The following ZNF124 variants were observed in gnomAD, a reference collection of about 807,000 sequenced individuals.
ZNF124 encodes the protein zinc finger protein HZF-16.
ZNF124 carries 25 observed loss-of-function variants against 26.6 expected under a neutral mutation model. That is an observed-to-expected ratio of 0.94 (90% CI 0.68 to 1.31). ZNF124 has a LOEUF of 1.31. ZNF124 is among the 40% of genes most tolerant of loss of function. The probability of loss-of-function intolerance (pLI) is 0.00; values close to 1 mark genes in which losing one functional copy is unlikely to be tolerated. For missense variants in ZNF124, 444 were observed against 422.2 expected, an observed-to-expected ratio of 1.05 and a Z score of -0.45; for synonymous variants, 129 against 133.3, an observed-to-expected ratio of 0.97 and a Z score of 0.22.
Position 247,156,933 on chromosome 1 carries a change from C to T in ZNF124, c.689G>A (p.Gly230Glu), listed in dbSNP as rs768979801. The stretch of plus-strand genomic sequence containing the variant: ...TTCCATGCACACATAAGGTTTCTCT[C>T]CAGTGTGAGTTCTTTCATGGTAATG... ...CLHYHERTHT[G>E]EKPYVCMECG... Residue 230 changes from glycine to glutamate, a missense_variant, in exon 4 of 4, where the codon GGA (glycine) becomes GAA (glutamate). Coordinates refer to ENST00000543802, the MANE Select transcript of ZNF124 (RefSeq NM_001297568.2). 6.2e-7 allele frequency: 1 copy of T among 1,613,648 alleles called. No individual in the cohort carries two copies. Among genetic ancestry groups the T allele is most frequent in the Admixed American group, 1.7e-5 (1 of 59,962 alleles).
At chr1:247,140,451 C>G (rs920751324) in intron 3 of ZNF124, among the ~76,000 whole-genome samples, 2 of 152,184 alleles carry the variant, frequency 1.3e-5, no homozygotes, top group African/African-American at 4.8e-5. Context: ...TATCCATATT[C>G]TAAATTCCAT....
chr1:247,154,138 A>T (rs1673023856), downstream of ZNF124, among the ~76,000 whole-genome samples: 1 of 152,190 alleles, frequency 6.6e-6, no homozygotes, highest in Non-Finnish European at 1.5e-5. Flanking sequence ...ACACACAGAT[A>T]TAAGTTGGCT....
At chr1:247,160,535 C>T (rs1184790064) in intron 1 of ZNF124, among the ~76,000 whole-genome samples, 1 of 152,210 alleles carries the variant, frequency 6.6e-6, no homozygotes, top group African/African-American at 2.4e-5. Context: ...AGGGAACTTA[C>T]ATTTTAAGAG....
intron 3 of ZNF124, among the ~76,000 whole-genome samples, chr1:247,133,997 T>A (rs1672429198): frequency 6.6e-6 from 1 of 152,184 alleles, no homozygotes; most frequent in Non-Finnish European, 1.5e-5. Flanking sequence ...AATTTCATAT[T>A]CAGCCAAACT....
chr1:247,139,565 G>A (rs1438801720), intron 3 of ZNF124, among the ~76,000 whole-genome samples: 1 of 152,182 alleles, frequency 6.6e-6, no homozygotes, highest in Non-Finnish European at 1.5e-5. Context: ...ATGCTGACTT[G>A]TTTGTGTGGT....
At position 247,155,535 on chromosome 1, in the gene ZNF124, A is replaced by G. The variant is rs1330295378; in HGVS notation, c.*1031T>C. On this transcript the variant is annotated 3_prime_UTR_variant, in exon 4 of 4. Coordinates refer to ENST00000543802, the MANE Select transcript of ZNF124 (RefSeq NM_001297568.2). The stretch of plus-strand genomic sequence containing the variant: ...CTTAAAAAAGAAGAATACATATTTA[A>G]CTCTTGTACTACTGCTTGAAGAATA... Among the ~76,000 whole-genome samples the G allele has an allele frequency of 6.6e-6, 1 of 152,134 alleles. No homozygotes were observed. Among genetic ancestry groups the G allele is most frequent in the Non-Finnish European group, 1.5e-5 (1 of 68,022 alleles).
At position 247,157,069 on chromosome 1, in the gene ZNF124, T is replaced by C. The variant is rs1673185457; in HGVS notation, c.553A>G (p.Lys185Glu). The C allele has an allele frequency of 1.2e-6, 2 of 1,614,220 alleles. No individual in the cohort carries two copies. Among genetic ancestry groups the C allele is most frequent in the African/African-American group, 2.7e-5 (2 of 75,062 alleles). Residue 185 changes from lysine to glutamate, a missense_variant, in exon 4 of 4, where the codon AAA becomes GAA. Physicochemically the swap from Lys to Glu is moderately conservative, Grantham distance 56 (BLOSUM62 1). Transcript: ENST00000543802. ...EKRYECKQCG[K>E]AFSRSSHLRD... Reference sequence around the variant, plus strand: ...AGGTGACTGGAACGACTGAAGGCTTTCCCACATTGCTTACATTCATAGCGT... The same window carrying C: ...AGGTGACTGGAACGACTGAAGGCTTCCCCACATTGCTTACATTCATAGCGT...
chr1:247,137,371 C>G (rs1672507944), intron 3 of ZNF124, among the ~76,000 whole-genome samples: 1 of 146,130 alleles, frequency 6.8e-6, no homozygotes, highest in African/African-American at 2.6e-5. Context: ...AGGCCAGGTG[C>G]AGTGGCTCGT....
intron 3 of ZNF124, among the ~76,000 whole-genome samples, chr1:247,137,582 T>C (rs1276299842): frequency 1.3e-5 from 2 of 149,326 alleles, no homozygotes; most frequent in Middle Eastern, 3.2e-3. Context: ...CCGACAGCAA[T>C]TGCAACAAAA....
At chr1:247,142,913 TTTAA>T (rs1380168185) in intron 3 of ZNF124, among the ~76,000 whole-genome samples, 2 of 152,070 alleles carry the variant, frequency 1.3e-5, no homozygotes, top group Non-Finnish European at 2.9e-5. Context: ...ATGTAAATTA[TTTAA>T]TTTTTATGTA....
intron 1 of ZNF124, among the ~76,000 whole-genome samples, chr1:247,169,432 C>G (rs1441380373): frequency 6.6e-6 from 1 of 152,168 alleles, no homozygotes; most frequent in Non-Finnish European, 1.5e-5. Context: ...TGTTTTTCTC[C>G]CTTCACAAGT....
rs183968337 is a variant in ZNF124, at chr1:247,158,977, G to C, written c.218+29C>G. On this transcript the variant is annotated intron_variant, in intron 3 of 3. Transcript: ENST00000543802. ...ATATACTACAATTGACCCCAAGGGG[G>C]ACTGCTTCCTCTTGTGAGGGCAAAT... The C allele has an allele frequency of 6.3e-6, 10 of 1,599,652 alleles. No homozygotes were observed. The African/African-American group carries it at 8.1e-5, about 13-fold the overall frequency.
At chr1:247,169,419 GGTT>G (rs1379123229) in intron 1 of ZNF124, among the ~76,000 whole-genome samples, 2 of 152,300 alleles carry the variant, frequency 1.3e-5, no homozygotes, top group South Asian at 2.1e-4. Flanking sequence ...TGTTCTTTAA[GGTT>G]GTTTTTCTCC....
At chr1:247,170,602 C>G (rs540005531) in intron 1 of ZNF124, among the ~76,000 whole-genome samples, 2 of 144,160 alleles carry the variant, frequency 1.4e-5, no homozygotes, top group East Asian at 4.0e-4. Context: ...TTCATTCTGC[C>G]GGAAGCTTTG....
intron 3 of ZNF124, among the ~76,000 whole-genome samples, chr1:247,137,863 A>G (rs1301979694): frequency 6.6e-6 from 1 of 152,252 alleles, no homozygotes; most frequent in Non-Finnish European, 1.5e-5. Context: ...ACAAAAGCTC[A>G]ACATCACTGA....
At position 247,123,971 on chromosome 1, in the gene ZNF124, G is replaced by A. The variant is rs1413254292; in HGVS notation, c.219-100C>T. ...TGATGTGCTTTTAGCTGGGACTACA[G>A]GCACCCGCCACCACGCCCGGCTAAT... On this transcript the variant is annotated intron_variant, in intron 3 of 3. Transcript: ENST00000472531. 2.2e-5 allele frequency: 15 copies of A among 694,144 alleles called. No individual in the cohort carries two copies. In the Admixed American group the frequency reaches 2.6e-4, roughly 12 times the overall value. 43.0% of individuals were successfully genotyped at this position (694,144 alleles called of 1,614,324 possible). A position where few individuals can be genotyped will look rare whatever the true frequency, so the allele number is the denominator to read the frequency against.
At chr1:247,142,695 A>C (rs1349071362) in intron 3 of ZNF124, among the ~76,000 whole-genome samples, 2 of 152,106 alleles carry the variant, frequency 1.3e-5, no homozygotes, top group South Asian at 2.1e-4. Context: ...CTTACACAGA[A>C]TCTAAGACAA....
At chr1:247,153,173 C>G (rs866261289), downstream of ZNF124, among the ~76,000 whole-genome samples, 3 of 151,954 alleles carry the variant, frequency 2.0e-5, no homozygotes, top group South Asian at 4.1e-4. Flanking sequence ...ATACTCTGCA[C>G]TGACCATTAG....
intron 1 of ZNF124, 129 bp from the exon 2 acceptor site, chr1:247,159,942 G>T (rs77506010): frequency 0.068 from 62,554 of 924,138 alleles, 3,009 homozygotes; most frequent in Middle Eastern, 0.19. Flanking sequence ...CTAGAACTAT[G>T]ACTCTGTCTA....
Sources: allele counts gnomAD v4.1 joint callset (sites outside exome capture counted in the v4.1 genomes callset), GRCh38; gene constraint gnomAD v4.1.1; transcripts MANE v1.5; gene names NCBI Gene and HGNC (gene_info 2026-07-23, HGNC 2026-07-21).